The following PCNX2 variants were observed in gnomAD, a reference collection of about 807,000 sequenced individuals.
PCNX2 encodes pecanex 2.
PCNX2 carries 168 observed loss-of-function variants against 223.8 expected under a neutral mutation model. The observed-to-expected ratio is 0.75, with a 90% confidence interval of 0.66 to 0.85. PCNX2 has a LOEUF of 0.85. PCNX2 is among the 40% of genes least tolerant of loss of function. The probability of loss-of-function intolerance (pLI) is 0.00; values close to 1 mark genes in which losing one functional copy is unlikely to be tolerated. For synonymous variants in PCNX2, 1,006 were observed against 1,052.6 expected, an observed-to-expected ratio of 0.96 and a Z score of 0.86; for missense variants, 2,507 against 2,675.5, an observed-to-expected ratio of 0.94 and a Z score of 1.39.
chr1:233,324,450 A>T, the PCNX2 span, among the ~76,000 whole-genome samples: 1 of 152,188 alleles, frequency 6.6e-6, no homozygotes, highest in African/African-American at 2.4e-5. Flanking sequence ...TAATGCAGCC[A>T]GTAACTAAGT....
At chr1:233,230,059 C>T (rs1428583902) in intron 9 of PCNX2, among the ~76,000 whole-genome samples, 1 of 152,038 alleles carries the variant, frequency 6.6e-6, no homozygotes, top group African/African-American at 2.4e-5. Flanking sequence ...TTATATAAAC[C>T]AAATGCTATA....
At chr1:233,034,955 C>A (rs1671400057) in intron 25 of PCNX2, among the ~76,000 whole-genome samples, 1 of 152,142 alleles carries the variant, frequency 6.6e-6, no homozygotes, top group Non-Finnish European at 1.5e-5. Flanking sequence ...TAAGAAAATT[C>A]CCCTGAAGCC....
intron 25 of PCNX2, among the ~76,000 whole-genome samples, chr1:233,050,023 A>G (rs1572047493): frequency 6.6e-6 from 1 of 152,060 alleles, no homozygotes; most frequent in South Asian, 2.1e-4. Context: ...AAGAATCAAC[A>G]TAGGAGTTGA....
intron 19 of PCNX2, among the ~76,000 whole-genome samples, chr1:233,141,781 GT>G (rs1558274784): frequency 6.7e-6 from 1 of 150,344 alleles, no homozygotes; most frequent in Non-Finnish European, 1.5e-5. Context: ...ATATGTGTGT[GT>G]GTGTGTGTGT....
chr1:233,016,859 G>T (rs1006917557), intron 27 of PCNX2, 62 bp downstream of exon 27: 2 of 1,566,330 alleles, frequency 1.3e-6, no homozygotes, highest in African/African-American at 1.3e-5. Context: ...AGATGGACAT[G>T]ACAATGTTCT....
At position 233,258,866 on chromosome 1, in the gene PCNX2, C is replaced by A; in HGVS notation, c.996G>T (p.Gln332His). 2 of 1,613,976 alleles carry A rather than the reference C, an allele frequency of 1.2e-6. No individual in the cohort carries two copies. Among genetic ancestry groups the A allele is most frequent in the Non-Finnish European group, 8.5e-7 (1 of 1,179,880 alleles). The change falls in exon 5 of 34, where the codon CAG becomes CAT. Residue 332 changes from glutamine (Q) to histidine (H), a missense_variant. Physicochemically the swap from Gln to His is conservative, Grantham distance 24. This residue lies in a region of PCNX2 where 1,031 missense variants were observed against 1,021.7 expected (regional missense o/e 1.01). Transcript: ENST00000258229. ...GGTCCCCCTGGCAGGAGGTATCTAC[C>A]TGACAGGATGTGTCTGCTGGCTCCT... The part of the protein sequence containing the change: ...PVEEPADTSC[Q>H]VDTSCQGDLP...
At chr1:233,232,954 T>A (rs1487922146) in intron 9 of PCNX2, 10 of 985,154 alleles carry the variant, frequency 1.0e-5, no homozygotes. Context: ...TACTATCTCA[T>A]TTTTTAATGT....
chr1:233,240,217 G>A (rs760774082), intron 8 of PCNX2, among the ~76,000 whole-genome samples: 6 of 152,188 alleles, frequency 3.9e-5, no homozygotes, highest in African/African-American at 9.7e-5. Flanking sequence ...CCAAAGAGAC[G>A]ATGATGTCCA....
intron 23 of PCNX2, among the ~76,000 whole-genome samples, chr1:233,089,360 G>A (rs1414007758): frequency 6.6e-6 from 1 of 152,134 alleles, no homozygotes; most frequent in African/African-American, 2.4e-5. Context: ...TGTCCCAGCT[G>A]AAGACCTCCA....
At chr1:233,065,955 C>T (rs970790991) in intron 23 of PCNX2, among the ~76,000 whole-genome samples, 2 of 152,204 alleles carry the variant, frequency 1.3e-5, no homozygotes, top group African/African-American at 4.8e-5. Flanking sequence ...AAGTCCCCAA[C>T]TGCAGTGAGA....
intron 1 of PCNX2, among the ~76,000 whole-genome samples, chr1:233,278,707 C>A (rs534949917): frequency 6.6e-6 from 1 of 152,162 alleles, no homozygotes; most frequent in Non-Finnish European, 1.5e-5. Flanking sequence ...TTGCCCTCCA[C>A]TCTGTCCCAT....
At chr1:233,116,150 A>G (rs1675394574) in intron 21 of PCNX2, among the ~76,000 whole-genome samples, 1 of 152,214 alleles carries the variant, frequency 6.6e-6, no homozygotes, top group East Asian at 1.9e-4. Context: ...TAGAACTGAA[A>G]GAAAAAACAG....
intron 32 of PCNX2, among the ~76,000 whole-genome samples, chr1:232,997,845 G>C (rs753379630): frequency 6.6e-6 from 1 of 152,182 alleles, no homozygotes; most frequent in Admixed American, 6.5e-5. Flanking sequence ...GCAGGAGAGG[G>C]AAGGCAGGAG....
rs1259166451 is a variant in PCNX2, at chr1:232,991,367, T to A, written c.5792-4827A>T. Among the ~76,000 whole-genome samples the A allele has an allele frequency of 6.6e-6, 1 of 151,742 alleles. No individual in the cohort carries two copies. Among genetic ancestry groups the A allele is most frequent in the Non-Finnish European group, 1.5e-5 (1 of 67,956 alleles). On this transcript the variant is annotated intron_variant, in intron 32 of 33. Transcript: ENST00000258229. The surrounding 1 kb of genome is among the most constrained non-coding windows in gnomAD (Gnocchi z 4.3). ...ACCGTGTGCTGGGGATGTGGGCTCA[T>A]AAGAGAGGGCTGAGAGAAGGGAGAG... is the stretch of plus-strand genomic sequence containing the variant.
chr1:233,018,833 T>C (rs2102823280), intron 26 of PCNX2: 5 of 985,492 alleles, frequency 5.1e-6, no homozygotes, highest in Non-Finnish European at 6.0e-6. Context: ...TGTGTGCTCC[T>C]GTTAGAAACA....
At chr1:232,996,069 C>T (rs187113728) in intron 32 of PCNX2, among the ~76,000 whole-genome samples, 22 of 152,248 alleles carry the variant, frequency 1.4e-4, no homozygotes, top group Non-Finnish European at 2.9e-4. Flanking sequence ...ACCATGTTGG[C>T]CAGGCTGGTC....
chr1:233,327,055 C>A, the PCNX2 span, among the ~76,000 whole-genome samples: 1 of 152,168 alleles, frequency 6.6e-6, no homozygotes, highest in African/African-American at 2.4e-5. Flanking sequence ...TGACTTGCCA[C>A]TCGCACTGGC....
chr1:233,084,979 G>A (rs188322071), intron 23 of PCNX2, among the ~76,000 whole-genome samples: 3 of 152,190 alleles, frequency 2.0e-5, no homozygotes, highest in Non-Finnish European at 4.4e-5. Flanking sequence ...CCCAGCAAAC[G>A]TGAAGCCAGA....
intron 15 of PCNX2, among the ~76,000 whole-genome samples, chr1:233,188,349 T>C (rs1245767558): frequency 6.6e-6 from 1 of 152,172 alleles, no homozygotes; most frequent in African/African-American, 2.4e-5. Flanking sequence ...GTCTTTGCCA[T>C]GTTGCTACCT....
Sources: gnomAD v4.1 joint callset for allele counts (sites outside exome capture counted in the v4.1 genomes callset) on GRCh38, gnomAD v4.1.1 for gene constraint, gnomAD v4.1.1 regional missense constraint, Gnocchi (gnomAD v3.1) non-coding constraint, MANE v1.5 for transcripts, NCBI Gene and HGNC (gene_info 2026-07-23, HGNC 2026-07-21) for gene names.